CECR2: variants seen among roughly 807,000 people sequenced by gnomAD.
CECR2 encodes the protein CECR2 histone acetyl-lysine reader.
A neutral mutation model predicts 154.5 loss-of-function variants in CECR2; 30 were observed. The observed-to-expected ratio is 0.19, with a 90% CI of 0.15 to 0.26. The LOEUF is 0.26. CECR2 is among the 10% of genes least tolerant of loss of function. CECR2 has a pLI of 1.00. For missense variants in CECR2, 1,743 were observed against 1,829.3 expected (o/e 0.95, Z 0.86); for synonymous variants, 725 against 683.7 (o/e 1.06, Z -0.94).
At chr22:17,439,225 AG>A (rs2054550069) in intron 1 of CECR2, among the ~76,000 whole-genome samples, 2 of 151,398 alleles carry the variant, frequency 1.3e-5, no homozygotes, top group Admixed American at 6.6e-5. Context: ...TTTTCTGTAA[AG>A]GGTCAGATAT....
chr22:17,448,174 C>T (rs2054707627), intron 1 of CECR2, among the ~76,000 whole-genome samples: 2 of 152,138 alleles, frequency 1.3e-5, no homozygotes, highest in African/African-American at 4.8e-5. Flanking sequence ...TATACTTTTA[C>T]CACATGTAAT....
At chr22:17,401,090 G>A (rs952389246) in intron 1 of CECR2, among the ~76,000 whole-genome samples, 4 of 151,928 alleles carry the variant, frequency 2.6e-5, no homozygotes, top group African/African-American at 4.8e-5. Flanking sequence ...TATTCTTGCA[G>A]GATTTTCTAA....
chr22:17,412,303 G>A (rs978420919), intron 1 of CECR2, among the ~76,000 whole-genome samples: 10 of 152,130 alleles, frequency 6.6e-5, no homozygotes, highest in African/African-American at 2.4e-4. Context: ...TGTCACCATT[G>A]ATAATGTGAT....
chr22:17,455,610 GT>G (rs2054841086), intron 1 of CECR2, among the ~76,000 whole-genome samples: 1 of 152,118 alleles, frequency 6.6e-6, no homozygotes, highest in Non-Finnish European at 1.5e-5. Flanking sequence ...ACAGCACACT[GT>G]TTTTTGTTTT....
chr22:17,465,161 T>C (rs537056225), intron 1 of CECR2, among the ~76,000 whole-genome samples: 3 of 151,080 alleles, frequency 2.0e-5, no homozygotes, highest in Non-Finnish European at 4.4e-5. Context: ...CACGCCCGGC[T>C]AAGTTTTTGT....
At chr22:17,511,034 A>C (rs1409166028) in intron 7 of CECR2, among the ~76,000 whole-genome samples, 1 of 152,182 alleles carries the variant, frequency 6.6e-6, no homozygotes, top group African/African-American at 2.4e-5. Context: ...TAATGGATTA[A>C]GTGGTGCCAG....
At chr22:17,436,609 A>G (rs559121057) in intron 1 of CECR2, among the ~76,000 whole-genome samples, 3 of 152,240 alleles carry the variant, frequency 2.0e-5, no homozygotes, top group Admixed American at 2.0e-4. Context: ...CTCTGTTCCT[A>G]CTTCTGAAAT....
At chr22:17,538,965 A>C (rs375202734) in intron 12 of CECR2, 28 bp from the exon 13 acceptor site, 1 of 1,604,924 alleles carries the variant, frequency 6.2e-7, no homozygotes, top group Non-Finnish European at 8.5e-7. Context: ...GCATATTTTA[A>C]CTATAAAGAG....
At chr22:17,410,395 A>G (rs2054050236) in intron 1 of CECR2, among the ~76,000 whole-genome samples, 1 of 150,662 alleles carries the variant, frequency 6.6e-6, no homozygotes, top group South Asian at 2.1e-4. Context: ...GTTTTCTTTC[A>G]TTTACTTTCT....
At chr22:17,387,565 G>A (rs1324842104) in intron 1 of CECR2, among the ~76,000 whole-genome samples, 3 of 151,998 alleles carry the variant, frequency 2.0e-5, no homozygotes, top group African/African-American at 4.8e-5. Flanking sequence ...CACACCTGAG[G>A]GAGTCTTCCA....
chr22:17,536,278 A>T (rs2056436031), intron 9 of CECR2, among the ~76,000 whole-genome samples: 1 of 152,094 alleles, frequency 6.6e-6, no homozygotes, highest in African/African-American at 2.4e-5. Context: ...AAAAGAAAAT[A>T]GAGGCTCTTG....
At chr22:17,419,183 G>A (rs2054201870) in intron 1 of CECR2, 1 of 153,578 alleles carries the variant, frequency 6.5e-6, no homozygotes. Context: ...GCGGGGTCAG[G>A]AGCACGAGCA....
rs201779763 is a variant in CECR2 at position 17,409,124 on chromosome 22, G to GTTTT, written c.126+39221_126+39224dup. Among the ~76,000 whole-genome samples, 5 of 150,442 alleles carry GTTTT rather than the reference G, an allele frequency of 3.3e-5. No individual in the cohort carries two copies. In the East Asian group the frequency reaches 9.7e-4, roughly 29 times the overall value. On this transcript the variant is annotated intron_variant, in intron 1 of 18. Transcript: ENST00000262608. ...TAATTTTAAATGTTGTTGTTTTCTT[G>GTTTT]TTTTTTTTTGTTTGTTTGTTTGTTT...
At chr22:17,360,290 A>G (rs1030839478) in intron 1 of CECR2, among the ~76,000 whole-genome samples, 1 of 152,230 alleles carries the variant, frequency 6.6e-6, no homozygotes, top group Non-Finnish European at 1.5e-5. Flanking sequence ...CTTGTGCCCG[A>G]GGAATTCAAG....
Position 17,438,820 on chromosome 22 carries a change from A to C in CECR2, c.127-38768A>C, listed in dbSNP as rs531785958. Among the ~76,000 whole-genome samples the C allele has an allele frequency of 2.6e-5, 4 of 152,308 alleles. No individual in the cohort carries two copies. The East Asian group carries it at 7.7e-4, about 29-fold the overall frequency. ...GTGTTATTTCTTATTGATTTTTCAC[A>C]GTGAAACTTAATAAAATTGTAATCG... On this transcript the variant is annotated intron_variant, in intron 1 of 18. Coordinates refer to ENST00000262608, the MANE Select transcript of CECR2 (RefSeq NM_001290047.2).
chr22:17,512,431 G>A (rs1318380183), intron 8 of CECR2, among the ~76,000 whole-genome samples: 1 of 152,028 alleles, frequency 6.6e-6, no homozygotes, highest in Non-Finnish European at 1.5e-5. Flanking sequence ...GCCAAGCACA[G>A]GTAGCTCATG....
chr22:17,385,077 G>A (rs180882436), intron 1 of CECR2, among the ~76,000 whole-genome samples: 50 of 152,268 alleles, frequency 3.3e-4, no homozygotes, highest in African/African-American at 1.2e-3. Context: ...GAATTGAAGC[G>A]TAAGGGCCTT....
intron 1 of CECR2, among the ~76,000 whole-genome samples, chr22:17,463,772 G>A (rs530509352): frequency 6.6e-6 from 1 of 152,220 alleles, no homozygotes; most frequent in South Asian, 2.1e-4. Context: ...ATGAGAGCCA[G>A]CCTAATCGAT....
intron 8 of CECR2, among the ~76,000 whole-genome samples, chr22:17,513,532 T>C (rs1321945476): frequency 6.6e-6 from 1 of 152,256 alleles, no homozygotes; most frequent in Non-Finnish European, 1.5e-5. Flanking sequence ...CAGTATATTT[T>C]GATTTCACAT....
Sources: allele counts gnomAD v4.1 joint callset (sites outside exome capture counted in the v4.1 genomes callset), GRCh38; gene constraint gnomAD v4.1.1; transcripts MANE v1.5; gene names NCBI Gene and HGNC (gene_info 2026-07-23, HGNC 2026-07-21).